Variants in ZNF808 observed in about 807,000 individuals in gnomAD.
ZNF808 encodes the protein zinc finger protein 808.
A neutral mutation model predicts 8.7 loss-of-function variants in ZNF808; 5 were observed. The observed-to-expected ratio is 0.58, with a 90% CI of 0.30 to 1.21. The LOEUF is 1.21. Ranked by LOEUF, ZNF808 falls within the 50% of genes most tolerant of loss-of-function variation. The pLI, the probability that ZNF808 is intolerant of heterozygous loss-of-function variation, is 0.07. For missense variants in ZNF808, 1,103 were observed against 1,098.4 expected (o/e 1.00, Z -0.06); for synonymous variants, 380 against 366.0 (o/e 1.04, Z -0.44).
chr19:52,568,570 A>T (rs2059878890), downstream of ZNF808, among the ~76,000 whole-genome samples: 1 of 152,134 alleles, frequency 6.6e-6, no homozygotes, highest in Non-Finnish European at 1.5e-5. Context: ...AAGCTGCCGC[A>T]GCCTATGCAC....
downstream of ZNF808, among the ~76,000 whole-genome samples, chr19:52,564,946 C>T (rs1370486189): frequency 3.9e-5 from 6 of 151,984 alleles, no homozygotes; most frequent in South Asian, 2.1e-4. Flanking sequence ...ATGAGCCAGG[C>T]GCTGTGGCAG....
intron 4 of ZNF808, among the ~76,000 whole-genome samples, chr19:52,551,312 A>G (rs2059774092): frequency 6.6e-6 from 1 of 151,730 alleles, no homozygotes; most frequent in Non-Finnish European, 1.5e-5. Context: ...TGATCATGCC[A>G]CTGCACTTCA....
chr19:52,550,218 C>T (rs1159143486), intron 4 of ZNF808, among the ~76,000 whole-genome samples: 3 of 151,474 alleles, frequency 2.0e-5, no homozygotes, highest in Non-Finnish European at 4.4e-5. Flanking sequence ...GATAATTTGC[C>T]TCCAGGGTTG....
intron 3 of ZNF808, among the ~76,000 whole-genome samples, chr19:52,546,045 T>G (rs1484605332): frequency 1.3e-5 from 2 of 152,248 alleles, no homozygotes; most frequent in African/African-American, 4.8e-5. Context: ...GTATGTGTGA[T>G]GCACTTGTGT....
intron 2 of ZNF808, among the ~76,000 whole-genome samples, chr19:52,536,231 T>G (rs1200436386): frequency 6.6e-6 from 1 of 152,210 alleles, no homozygotes; most frequent in African/African-American, 2.4e-5. Context: ...GTCCGGAGGC[T>G]GGTCCCAACC....
Position 52,554,390 on chromosome 19 carries a change from T to C in ZNF808, c.1474T>C (p.Phe492Leu). 1 of 1,613,822 alleles carries C rather than the reference T, an allele frequency of 6.2e-7. No individual in the cohort carries two copies. The highest frequency in any genetic ancestry group is 2.2e-5 in the East Asian group (1 of 44,786). ...CAAGTGTAATGAGTGTCGCAAGACC[T>C]TCAGCCGCAGGTCATCCCTTCTATG... Reference protein sequence around the residue: ...TYKCNECRKTFSRRSSLLCHR... With the variant: ...TYKCNECRKTLSRRSSLLCHR... Residue 492 changes from phenylalanine (F) to leucine (L), a missense_variant, in exon 5 of 5, where the codon TTC (phenylalanine) becomes CTC (leucine). Transcript: ENST00000359798.
chr19:52,540,001 G>T (rs754188428), intron 2 of ZNF808, among the ~76,000 whole-genome samples: 1 of 151,862 alleles, frequency 6.6e-6, no homozygotes, highest in Non-Finnish European at 1.5e-5. Flanking sequence ...CACCCCACCA[G>T]GTCCGGCTAA....
chr19:52,532,200 G>C (rs1475318395), intron 1 of ZNF808, among the ~76,000 whole-genome samples: 1 of 152,006 alleles, frequency 6.6e-6, no homozygotes, highest in African/African-American at 2.4e-5. Flanking sequence ...GTAATTTTAT[G>C]ACAGGTATTC....
At position 52,553,599 on chromosome 19, in the gene ZNF808, A is replaced by G; in HGVS notation, c.683A>G (p.Glu228Gly). ...LPQKQEVHMREKSFPCNESGK... is the reference protein window; with the variant it reads ...LPQKQEVHMRGKSFPCNESGK... The stretch of plus-strand genomic sequence containing the variant: ...CAAAAACAGGAAGTACACATGAGAG[A>G]AAAATCTTTCCCATGTAATGAGAGT... The change falls in exon 5 of 5, where the codon GAA becomes GGA. Residue 228 changes from glutamate to glycine, a missense_variant. Glu to Gly is a moderately conservative substitution (Grantham distance 98). Coordinates refer to ENST00000359798, the MANE Select transcript of ZNF808 (RefSeq NM_001039886.4). 1 of 1,614,230 alleles carries G rather than the reference A, an allele frequency of 6.2e-7. No individual in the cohort carries two copies. The highest frequency in any genetic ancestry group is 8.5e-7 in the Non-Finnish European group (1 of 1,180,048).
At chr19:52,548,889 G>T (rs866547460) in intron 4 of ZNF808, among the ~76,000 whole-genome samples, 52 of 152,262 alleles carry the variant, frequency 3.4e-4, no homozygotes, top group Middle Eastern at 6.8e-3. Context: ...AGGCTGAGGT[G>T]GGTGAATCAC....
At chr19:52,528,326 C>T (rs1247501707) in intron 1 of ZNF808, among the ~76,000 whole-genome samples, 2 of 152,150 alleles carry the variant, frequency 1.3e-5, no homozygotes, top group African/African-American at 4.8e-5. Flanking sequence ...AAACGCGCTC[C>T]TCCGGGATGC....
intron 2 of ZNF808, among the ~76,000 whole-genome samples, chr19:52,534,912 T>TA (rs919589313): frequency 2.0e-5 from 3 of 151,106 alleles, no homozygotes; most frequent in South Asian, 4.2e-4. Context: ...AAGAAAAAAG[T>TA]AAAAAAAGAG....
chr19:52,553,764 G>A lies in ZNF808; in HGVS notation c.848G>A (p.Gly283Glu). 1 of 1,614,148 alleles carries A rather than the reference G, an allele frequency of 6.2e-7. No homozygotes were observed. Among genetic ancestry groups the A allele is most frequent in the South Asian group, 1.1e-5 (1 of 91,084 alleles). ...GCATGCCATCGTAGATGTCACACTG[G>A]AGAGAAACCTTACAAGTGTAAAGAG... ...YLACHRRCHT[G>E]EKPYKCKECG... is the part of the protein sequence containing the mutation. The change falls in exon 5 of 5, where the codon GGA becomes GAA. Residue 283 changes from glycine to glutamate, a missense_variant. Gly to Glu is a moderately conservative substitution (Grantham distance 98). Transcript: ENST00000359798.
At position 52,555,671 on chromosome 19, in the gene ZNF808, G is replaced by A. The variant is rs1345904797; in HGVS notation, c.*43G>A. On this transcript the variant is annotated 3_prime_UTR_variant, in exon 5 of 5. Transcript: ENST00000359798. Reference sequence around the variant, plus strand: ...AGTCTTCAGTAACACTACAACAATTGCAAATCATTGGAGAATCCATGATGA... The same window carrying A: ...AGTCTTCAGTAACACTACAACAATTACAAATCATTGGAGAATCCATGATGA... 1.9e-6 allele frequency: 3 copies of A among 1,570,218 alleles called. No individual in the cohort carries two copies. In the Admixed American group the frequency reaches 5.5e-5, roughly 29 times the overall value.
At chr19:52,541,979 G>C (rs1210483357) in intron 2 of ZNF808, among the ~76,000 whole-genome samples, 2 of 152,138 alleles carry the variant, frequency 1.3e-5, no homozygotes, top group Non-Finnish European at 2.9e-5. Context: ...AGCCAAACTT[G>C]ACAGCATGTA....
At position 52,555,232 on chromosome 19, in the gene ZNF808, C is replaced by G; in HGVS notation, c.2316C>G (p.Phe772Leu). The change falls in exon 5 of 5, where the codon TTC becomes TTG. Residue 772 changes from phenylalanine to leucine, a missense_variant. By Grantham distance (22) the Phe-to-Leu change is conservative. Transcript: ENST00000359798. ...AGTGTAACGACTGTGGCAATACCTT[C>G]CGTCACTGGTCATCCCTTGTATACC... is the stretch of plus-strand genomic sequence containing the variant. ...PYKCNDCGNTFRHWSSLVYHR... is the reference protein window; with the variant it reads ...PYKCNDCGNTLRHWSSLVYHR... 2.5e-6 allele frequency: 4 copies of G among 1,613,988 alleles called. No individual in the cohort carries two copies. Among genetic ancestry groups the G allele is most frequent in the Non-Finnish European group, 3.4e-6 (4 of 1,179,998 alleles).
chr19:52,533,405 T>C (rs1318891608), intron 2 of ZNF808, among the ~76,000 whole-genome samples: 1 of 152,018 alleles, frequency 6.6e-6, no homozygotes, highest in Non-Finnish European at 1.5e-5. Context: ...TTTTATAGTT[T>C]TGTAGAGACG....
intron 4 of ZNF808, 104 bp from the exon 5 acceptor site, chr19:52,553,003 G>T: frequency 7.1e-7 from 1 of 1,399,156 alleles, no homozygotes; most frequent in South Asian, 1.9e-5. Flanking sequence ...TATCATGTTT[G>T]GGAATTTCAA....
intron 2 of ZNF808, among the ~76,000 whole-genome samples, chr19:52,541,693 A>T (rs2059672094): frequency 1.3e-5 from 2 of 152,118 alleles, no homozygotes. Context: ...TATTAAAAAA[A>T]AAAAAGCACA....
Sources: gnomAD v4.1 joint callset for allele counts (sites outside exome capture counted in the v4.1 genomes callset) on GRCh38, gnomAD v4.1.1 for gene constraint, MANE v1.5 for transcripts, NCBI Gene and HGNC (gene_info 2026-07-23, HGNC 2026-07-21) for gene names.